Variants in MAST4 observed in about 807,000 individuals in gnomAD.
MAST4 encodes the protein microtubule associated serine/threonine kinase family member 4.
Under a neutral mutation model 162.7 loss-of-function variants are expected in MAST4, and 89 were observed. That is an observed-to-expected ratio of 0.55 (90% confidence interval 0.46 to 0.65). The LOEUF (loss-of-function observed/expected upper bound fraction) is 0.65. Ranked by LOEUF, MAST4 falls within the 30% of genes least tolerant of loss-of-function variation. The probability of loss-of-function intolerance (pLI) is 0.00; values close to 1 mark genes in which losing one functional copy is unlikely to be tolerated. For missense variants in MAST4, 3,153 were observed against 3,374.0 expected (o/e 0.93, Z 1.62); for synonymous variants, 1,479 against 1,361.1 (o/e 1.09, Z -1.91).
chr5:67,121,677 G>GA (rs111824214), intron 14 of MAST4, among the ~76,000 whole-genome samples: 2,594 of 137,726 alleles, frequency 0.019, 38 homozygotes, highest in African/African-American at 0.047. Context: ...CTGATGACCT[G>GA]AAAAAAAAAA....
chr5:66,880,688 A>G (rs998212128), intron 3 of MAST4, among the ~76,000 whole-genome samples: 2 of 152,250 alleles, frequency 1.3e-5, no homozygotes, highest in Admixed American at 1.3e-4. Context: ...TTTTCAGCCT[A>G]ACATCTCTCT....
intron 2 of MAST4, among the ~76,000 whole-genome samples, chr5:66,760,718 G>A (rs1753808578): frequency 6.6e-6 from 1 of 152,142 alleles, no homozygotes; most frequent in Admixed American, 6.5e-5. Context: ...GCGTGTGTTA[G>A]TAGCGTATGT....
At chr5:66,694,053 G>T (rs769183863) in intron 1 of MAST4, among the ~76,000 whole-genome samples, 2 of 152,238 alleles carry the variant, frequency 1.3e-5, no homozygotes, top group Non-Finnish European at 2.9e-5. Context: ...GGCTTACAGA[G>T]AAGATTAAGT....
rs1193190849 is a variant in MAST4 at position 67,149,112 on chromosome 5, C to T, written c.3095-277C>T. ...TATAGATTGTTGAAAGAAACTAATT[C>T]CTCTGGTTACATGGAGTCATGGATT... On this transcript the variant is annotated intron_variant, in intron 23 of 28. Transcript: ENST00000403625. Among the ~76,000 whole-genome samples, 3 of 152,202 alleles carry T rather than the reference C, an allele frequency of 2.0e-5. No individual in the cohort carries two copies. In the East Asian group the frequency reaches 5.8e-4, roughly 29 times the overall value.
At chr5:66,892,272 A>G (rs1275123566) in intron 3 of MAST4, among the ~76,000 whole-genome samples, 1 of 152,216 alleles carries the variant, frequency 6.6e-6, no homozygotes, top group South Asian at 2.1e-4. Context: ...ACATTGGGGA[A>G]GAAACAGTCC....
intron 1 of MAST4, among the ~76,000 whole-genome samples, chr5:66,748,392 CT>C (rs147336448): frequency 0.012 from 1,165 of 99,112 alleles, 7 homozygotes; most frequent in South Asian, 0.05. Context: ...TTCCTTCCTT[CT>C]TTCCTTCCTT....
chr5:66,950,683 C>T (rs1489228906), intron 4 of MAST4, among the ~76,000 whole-genome samples: 1 of 152,126 alleles, frequency 6.6e-6, no homozygotes, highest in East Asian at 1.9e-4. Context: ...CTCACCTATT[C>T]ATCTGTTAAT....
chr5:66,963,407 G>A (rs1273113669), intron 4 of MAST4, among the ~76,000 whole-genome samples: 1 of 152,110 alleles, frequency 6.6e-6, no homozygotes, highest in Non-Finnish European at 1.5e-5. Flanking sequence ...AAATGGCACT[G>A]GATTTTCTTT....
intron 12 of MAST4, among the ~76,000 whole-genome samples, 169 bp from the exon 13 acceptor site, chr5:67,118,513 A>C (rs1475055567): frequency 6.6e-6 from 1 of 152,204 alleles, no homozygotes; most frequent in Non-Finnish European, 1.5e-5. Context: ...AACAATTTCA[A>C]AATACCAATT....
At chr5:67,158,312 C>T (rs577761191) in intron 26 of MAST4, among the ~76,000 whole-genome samples, 104 of 152,222 alleles carry the variant, frequency 6.8e-4, no homozygotes, top group Non-Finnish European at 1.2e-3. Context: ...CGATAGAAAA[C>T]AAAATAAACT....
intron 5 of MAST4, among the ~76,000 whole-genome samples, chr5:67,055,519 A>G (rs1758690000): frequency 6.6e-6 from 1 of 152,188 alleles, no homozygotes; most frequent in Admixed American, 6.5e-5. Context: ...GTTGTCTGTT[A>G]TATTACTGGG....
chr5:66,995,699 A>G (rs1453400015), intron 4 of MAST4, among the ~76,000 whole-genome samples: 1 of 151,902 alleles, frequency 6.6e-6, no homozygotes, highest in Non-Finnish European at 1.5e-5. Context: ...CCATGCCCAG[A>G]CGAAAATTTT....
At chr5:66,833,697 T>C (rs1757766905) in intron 3 of MAST4, among the ~76,000 whole-genome samples, 1 of 152,230 alleles carries the variant, frequency 6.6e-6, no homozygotes, top group South Asian at 2.1e-4. Context: ...TTAATTTTCA[T>C]GAAATTTTCT....
intron 4 of MAST4, among the ~76,000 whole-genome samples, chr5:66,909,521 T>A (rs1381435180): frequency 6.6e-5 from 10 of 152,224 alleles, no homozygotes; most frequent in Admixed American, 6.5e-4. Flanking sequence ...TGAAAATATC[T>A]TTATTTCGTA....
intron 3 of MAST4, among the ~76,000 whole-genome samples, chr5:66,857,686 A>G (rs1484591862): frequency 6.6e-6 from 1 of 152,160 alleles, no homozygotes; most frequent in East Asian, 1.9e-4. Context: ...GGTTTCATCT[A>G]TTCTAAGTTG....
chr5:66,871,852 G>GTA (rs1474789134), intron 3 of MAST4, among the ~76,000 whole-genome samples: 1 of 152,150 alleles, frequency 6.6e-6, no homozygotes, highest in East Asian at 1.9e-4. Flanking sequence ...TGTCCTGAGG[G>GTA]TAAAAGTTGT....
chr5:66,625,407 C>A lies in MAST4; in HGVS notation c.363+28389C>A, dbSNP rs565655460. On this transcript the variant is annotated intron_variant, in intron 1 of 28. Coordinates refer to ENST00000403625, the MANE Select transcript of MAST4 (RefSeq NM_001164664.2). ...TGTTACCCCCATGACAGGGATATAA[C>A]CCTTGTTGAGTAAAAATATTAGCAA... 7.2e-5 allele frequency among the ~76,000 whole-genome samples: 11 copies of A among 152,262 alleles called. No homozygotes were observed. The South Asian group carries it at 1.9e-3, about 26-fold the overall frequency.
chr5:67,044,713 A>G (rs890274676), intron 4 of MAST4, among the ~76,000 whole-genome samples: 10 of 152,066 alleles, frequency 6.6e-5, no homozygotes, highest in African/African-American at 2.4e-4. Flanking sequence ...GGGTTTCCCT[A>G]TGTTAACCAA....
At chr5:66,888,271 T>TTATATG (rs1476483767) in intron 3 of MAST4, among the ~76,000 whole-genome samples, 1 of 152,190 alleles carries the variant, frequency 6.6e-6, no homozygotes, top group Non-Finnish European at 1.5e-5. Context: ...CTCATACATT[T>TTATATG]TATATGTATA....
Sources: allele counts gnomAD v4.1 joint callset (sites outside exome capture counted in the v4.1 genomes callset), GRCh38; gene constraint gnomAD v4.1.1; transcripts MANE v1.5; gene names NCBI Gene and HGNC (gene_info 2026-07-23, HGNC 2026-07-21).